Variants in DGKK observed in about 807,000 individuals in gnomAD.
DGKK encodes diacylglycerol kinase kappa.
DGKK carries 35 observed loss-of-function variants against 92.2 expected under a neutral mutation model. The observed-to-expected ratio is 0.38, with a 90% CI of 0.29 to 0.50. The LOEUF (loss-of-function observed/expected upper bound fraction) is 0.50. Ranked by LOEUF, DGKK falls within the 20% of genes least tolerant of loss-of-function variation. The pLI is 0.92. For missense variants in DGKK, 910 were observed against 992.2 expected (o/e 0.92, Z 1.11); for synonymous variants, 368 against 360.6 (o/e 1.02, Z -0.23).
At chrX:50,441,121 T>C (rs782277731) in intron 1 of DGKK, among the ~76,000 whole-genome samples, 5 of 111,238 alleles carry the variant, frequency 4.5e-5, no homozygotes, top group Non-Finnish European at 9.5e-5. Flanking sequence ...GAACTATTTT[T>C]ACCCAGGAGT....
At chrX:50,447,377 A>G (rs1926367174) in intron 1 of DGKK, among the ~76,000 whole-genome samples, 1 of 14,157 alleles carries the variant, frequency 7.1e-5, no homozygotes, top group Admixed American at 1.7e-3. Context: ...TATTATATAT[A>G]TATATAATAT....
rs184300580 is a variant in DGKK, at chrX:50,401,040, C to T, written c.1408G>A (p.Asp470Asn). The T allele has an allele frequency of 1.5e-4, 180 of 1,192,742 alleles. No individual in the cohort carries two copies. The highest frequency in any genetic ancestry group is 2.5e-4 in the African/African-American group (14 of 56,654). ...AGGTTAAGATTTAACTACTCACCAT[C>T]GCCTTTGGGGTCGCTTAGAGCAGTG... is the stretch of plus-strand genomic sequence containing the variant. ...PPTALSDPKG[D>N]GQLVVSSDFW... The change falls in exon 8 of 28, where the codon GAT becomes AAT. Residue 470 changes from aspartate to asparagine, a missense_variant. Transcript: ENST00000611977.
intron 4 of DGKK, among the ~76,000 whole-genome samples, chrX:50,417,642 C>A (rs781897351): frequency 4.5e-5 from 5 of 110,923 alleles, no homozygotes; most frequent in East Asian, 2.8e-4. Flanking sequence ...GGTTCTCCCC[C>A]ACCCCTAACT....
chrX:50,442,926 C>T (rs1432836028), intron 1 of DGKK, among the ~76,000 whole-genome samples: 1 of 111,203 alleles, frequency 9.0e-6, no homozygotes, highest in Non-Finnish European at 1.9e-5. Flanking sequence ...TTAGCTCCTA[C>T]AGGCCACCCA....
intron 1 of DGKK, among the ~76,000 whole-genome samples, chrX:50,451,114 C>A (rs1926484688): frequency 9.0e-6 from 1 of 111,128 alleles, no homozygotes; most frequent in Non-Finnish European, 1.9e-5. Flanking sequence ...AAATAGTTTT[C>A]TTCTCTAAGT....
At chrX:50,440,955 G>T (rs1926158018) in intron 1 of DGKK, among the ~76,000 whole-genome samples, 1 of 111,762 alleles carries the variant, frequency 8.9e-6, no homozygotes, top group Non-Finnish European at 1.9e-5. Context: ...AGAGAAATTA[G>T]CTATAAGGGA....
Position 50,424,497 on chromosome X carries a change from G to A in DGKK, c.646-139C>T, listed in dbSNP as rs1925684645. Reference sequence around the variant, plus strand: ...GAGAAATGGCCTGAAGGCCAGGTGAGAACACAGTGAAGCTCATTCAATCAG... The same window carrying A: ...GAGAAATGGCCTGAAGGCCAGGTGAAAACACAGTGAAGCTCATTCAATCAG... On this transcript the variant is annotated intron_variant, in intron 1 of 27. Transcript: ENST00000611977. 3 of 479,662 alleles carry A rather than the reference G, an allele frequency of 6.3e-6. No individual in the cohort carries two copies. In the South Asian group the frequency reaches 1.2e-4, roughly 19 times the overall value. 39.5% of individuals were successfully genotyped at this position (479,662 alleles called of 1,213,427 possible).
At chrX:50,400,046 T>C (rs1436522897) in intron 8 of DGKK, among the ~76,000 whole-genome samples, 3 of 112,047 alleles carry the variant, frequency 2.7e-5, no homozygotes, top group Non-Finnish European at 5.6e-5. Flanking sequence ...ACTTAGGCCC[T>C]TCACATATTA....
intron 1 of DGKK, among the ~76,000 whole-genome samples, chrX:50,469,014 G>A (rs1391529637): frequency 1.8e-5 from 2 of 110,885 alleles, no homozygotes; most frequent in African/African-American, 3.3e-5. Flanking sequence ...GAGAAAGCAG[G>A]AAAGACAGGC....
chrX:50,408,828 C>A (rs1925235728), intron 4 of DGKK, among the ~76,000 whole-genome samples: 2 of 111,937 alleles, frequency 1.8e-5, no homozygotes, highest in Admixed American at 9.4e-5. Flanking sequence ...GAGTCTCATT[C>A]ATACCTGATT....
At chrX:50,433,403 C>T (rs934759642) in intron 1 of DGKK, among the ~76,000 whole-genome samples, 1 of 111,840 alleles carries the variant, frequency 8.9e-6, no homozygotes, top group African/African-American at 3.3e-5. Flanking sequence ...GGACTCCTCA[C>T]CAACCTCCGT....
intron 22 of DGKK, among the ~76,000 whole-genome samples, chrX:50,377,485 A>G (rs1487801592): frequency 1.8e-5 from 2 of 112,332 alleles, no homozygotes; most frequent in Non-Finnish European, 3.8e-5. Context: ...AATGCCTAGC[A>G]CAGAATAGGC....
In DGKK at chrX:50,393,232, C is replaced by A. The variant is rs200258360; in HGVS notation, c.1515G>T (p.Gly505=). The change falls in exon 9 of 28, where the codon GGG becomes GGT. Residue 505 remains glycine, a synonymous_variant. Coordinates refer to ENST00000611977, the MANE Select transcript of DGKK (RefSeq NM_001013742.4). The part of the protein sequence containing the change: ...FINSKSGDHQ[G]IVFLRKFKQY... ...GCTTGAATTTTCGGAGGAAGACGAT[C>A]CCCTGATGATCGCCACTTTTGGAGT... 1.6e-4 allele frequency: 192 copies of A among 1,208,196 alleles called. No homozygotes were observed. Among genetic ancestry groups the A allele is most frequent in the Non-Finnish European group, 1.3e-4 (116 of 894,051 alleles).
At position 50,410,314 on chromosome X, in the gene DGKK, G is replaced by C. The variant is rs1159661405; in HGVS notation, c.943-6130C>G. ...TCTTAGAGTATACCTGAGCAATCAT[G>C]AACAGAATTTTGGTAGAAATGTGGA... is the stretch of plus-strand genomic sequence containing the variant. On this transcript the variant is annotated intron_variant, in intron 4 of 27. Transcript: ENST00000611977. Among the ~76,000 whole-genome samples the C allele has an allele frequency of 2.7e-5, 3 of 111,880 alleles. No homozygotes were observed. In the Admixed American group the frequency reaches 2.8e-4, roughly 11 times the overall value.
In DGKK at chrX:50,370,477, C is replaced by T; in HGVS notation, c.3685G>A (p.Val1229Ile). Residue 1229 changes from valine to isoleucine, a missense_variant, in exon 27 of 28, where the codon GTA (valine) becomes ATA (isoleucine). Transcript: ENST00000611977. ...GATTTAGGCTTGCGTTCCTCTTCTA[C>T]CTTTTTCTTTCCCAATTTGGGGAAC... ...IKFPKLGKKK[V>I]EEERKPKSGQ... 1 of 1,193,791 alleles carries T rather than the reference C, an allele frequency of 8.4e-7. No homozygotes were observed. The highest frequency in any genetic ancestry group is 2.3e-4 in the Middle Eastern group (1 of 4,302).
chrX:50,457,709 C>T (rs1283115500), intron 1 of DGKK, among the ~76,000 whole-genome samples: 2 of 111,518 alleles, frequency 1.8e-5, no homozygotes, highest in East Asian at 5.7e-4. Flanking sequence ...TACGTTTATG[C>T]CTATTTTATA....
intron 8 of DGKK, among the ~76,000 whole-genome samples, chrX:50,395,444 C>T (rs1365610857): frequency 1.8e-5 from 2 of 111,271 alleles, no homozygotes; most frequent in Non-Finnish European, 3.8e-5. Flanking sequence ...GAAGCAAGCA[C>T]TTTCCCTGCC....
chrX:50,384,705 CAG>C lies in DGKK; in HGVS notation c.2452+13_2452+14del, dbSNP rs782490935. On this transcript the variant is annotated intron_variant, in intron 16 of 27. Coordinates refer to ENST00000611977, the MANE Select transcript of DGKK (RefSeq NM_001013742.4). ...CGAAGGCTAGAATAAGGGAAGAAGA[CAG>C]AAAGATCCTTACGGCGTCGTGGGCT... is the stretch of plus-strand genomic sequence containing the variant. The C allele has an allele frequency of 8.4e-7, 1 of 1,193,631 alleles. No individual in the cohort carries two copies. The highest frequency in any genetic ancestry group is 2.2e-5 in the Admixed American group (1 of 45,219).
chrX:50,388,125 C>T (rs1924595422), intron 13 of DGKK, among the ~76,000 whole-genome samples: 1 of 111,859 alleles, frequency 8.9e-6, no homozygotes, highest in Admixed American at 9.5e-5. Context: ...AACAAATGAC[C>T]CACATATTTA....
Sources: allele counts gnomAD v4.1 joint callset (sites outside exome capture counted in the v4.1 genomes callset), GRCh38; gene constraint gnomAD v4.1.1; transcripts MANE v1.5; gene names NCBI Gene and HGNC (gene_info 2026-07-23, HGNC 2026-07-21).